Variants in PLXNA2 observed in about 807,000 individuals in gnomAD.
The protein encoded by PLXNA2 is plexin-A2.
Under a neutral mutation model 193.5 loss-of-function variants are expected in PLXNA2, and 91 were observed. The observed-to-expected ratio is 0.47, with a 90% CI of 0.40 to 0.56. The LOEUF is 0.56. Ranked by LOEUF, PLXNA2 falls within the 20% of genes least tolerant of loss-of-function variation. PLXNA2 has a pLI of 0.00. For synonymous variants in PLXNA2, 997 were observed against 1,027.3 expected, an observed-to-expected ratio of 0.97 and a Z score of 0.56; for missense variants, 1,995 against 2,503.2, an observed-to-expected ratio of 0.80 and a Z score of 4.33.
chr1:208,237,416 G>A (rs140753850), intron 1 of PLXNA2, among the ~76,000 whole-genome samples: 11 of 152,224 alleles, frequency 7.2e-5, no homozygotes, highest in East Asian at 3.9e-4. Flanking sequence ...GCCTCTACAC[G>A]CCAGCTCCAG....
chr1:208,029,886 T>C, intron 29 of PLXNA2: 1 of 985,726 alleles, frequency 1.0e-6, no homozygotes, highest in Non-Finnish European at 1.2e-6. Context: ...CTCTTCCAGC[T>C]GCCTTCTGGG....
At chr1:208,098,458 T>TCACACACACACA (rs56677339) in intron 6 of PLXNA2, among the ~76,000 whole-genome samples, 13 of 123,520 alleles carry the variant, frequency 1.1e-4, no homozygotes, top group East Asian at 2.5e-4. Flanking sequence ...TCTCTCTCTC[T>TCACACACACACA]CACACACACA....
At chr1:208,104,770 T>G (rs1407481266) in intron 4 of PLXNA2, among the ~76,000 whole-genome samples, 1 of 152,194 alleles carries the variant, frequency 6.6e-6, no homozygotes, top group Non-Finnish European at 1.5e-5. Context: ...GAGGCTTTTC[T>G]GTAAGTCAGT....
intron 3 of PLXNA2, among the ~76,000 whole-genome samples, chr1:208,192,824 G>A (rs553314424): frequency 5.2e-4 from 79 of 151,444 alleles, no homozygotes; most frequent in Middle Eastern, 3.4e-3. Context: ...GAGGTGGAGG[G>A]TGCAGTGAGC....
intron 12 of PLXNA2, among the ~76,000 whole-genome samples, chr1:208,069,848 G>A (rs1665926242): frequency 1.3e-5 from 2 of 152,218 alleles, no homozygotes; most frequent in Non-Finnish European, 2.9e-5. Context: ...AATGATGGCT[G>A]CTGCTTTCAC....
intron 4 of PLXNA2, among the ~76,000 whole-genome samples, chr1:208,104,946 G>T (rs1460211578): frequency 6.6e-6 from 1 of 152,140 alleles, no homozygotes; most frequent in Non-Finnish European, 1.5e-5. Context: ...TAGACCTAAG[G>T]GTTTGAGTTG....
intron 4 of PLXNA2, among the ~76,000 whole-genome samples, chr1:208,111,602 A>G (rs963934800): frequency 6.6e-6 from 1 of 152,132 alleles, no homozygotes; most frequent in East Asian, 1.9e-4. Flanking sequence ...GATAAAGACA[A>G]TATCTGTCCC....
intron 4 of PLXNA2, among the ~76,000 whole-genome samples, chr1:208,107,832 G>A (rs1378768104): frequency 1.3e-5 from 2 of 152,022 alleles, no homozygotes; most frequent in Non-Finnish European, 2.9e-5. Flanking sequence ...TTATACAATG[G>A]GAGGCCCTTC....
chr1:208,160,593 C>A (rs1420789620), intron 3 of PLXNA2, among the ~76,000 whole-genome samples: 1 of 152,262 alleles, frequency 6.6e-6, no homozygotes, highest in Non-Finnish European at 1.5e-5. Context: ...CCTTCTTTAT[C>A]CCCAATCTGC....
At chr1:208,081,858 G>C (rs145838542) in intron 11 of PLXNA2, among the ~76,000 whole-genome samples, 189 of 152,224 alleles carry the variant, frequency 1.2e-3, no homozygotes, top group Non-Finnish European at 2.2e-3. Context: ...GGAGGAGCTC[G>C]ACATGAGTTT....
intron 1 of PLXNA2, among the ~76,000 whole-genome samples, chr1:208,237,902 G>T (rs1671918808): frequency 6.6e-6 from 1 of 152,154 alleles, no homozygotes; most frequent in South Asian, 2.1e-4. Flanking sequence ...TATTAGGAGG[G>T]AGCTACCACA....
At chr1:208,081,155 G>A (rs1666327516) in intron 11 of PLXNA2, among the ~76,000 whole-genome samples, 1 of 152,238 alleles carries the variant, frequency 6.6e-6, no homozygotes, top group Admixed American at 6.5e-5. Context: ...TCTAAGCCCA[G>A]ATCCCCAGCA....
At chr1:208,051,610 G>C (rs1555948) in intron 15 of PLXNA2, among the ~76,000 whole-genome samples, 187 bp from the exon 16 acceptor site, 73,942 of 152,084 alleles carry the variant, frequency 0.49, 18,793 homozygotes, top group Non-Finnish European at 0.57. Flanking sequence ...GGATTAGGGA[G>C]GCAGCAAATT....
intron 14 of PLXNA2, among the ~76,000 whole-genome samples, chr1:208,053,113 G>C (rs1665317640): frequency 6.6e-6 from 1 of 152,242 alleles, no homozygotes; most frequent in South Asian, 2.1e-4. Context: ...AATGCATCAG[G>C]TGGCTGACCT....
chr1:208,123,074 A>T (rs903776194), intron 4 of PLXNA2, among the ~76,000 whole-genome samples: 1 of 152,134 alleles, frequency 6.6e-6, no homozygotes, highest in African/African-American at 2.4e-5. Flanking sequence ...AGTCACTCCC[A>T]TTCCCTCCTG....
At chr1:208,211,607 C>T (rs887941139) in intron 2 of PLXNA2, among the ~76,000 whole-genome samples, 2 of 151,426 alleles carry the variant, frequency 1.3e-5, no homozygotes, top group South Asian at 2.1e-4. Flanking sequence ...GTGGGAGAAT[C>T]GCCTGAACCC....
rs573601219 is a variant in PLXNA2, at chr1:208,236,349, G to A, written c.-81+7294C>T. On this transcript the variant is annotated intron_variant, in intron 1 of 31. Coordinates refer to ENST00000367033, the MANE Select transcript of PLXNA2 (RefSeq NM_025179.4). This position sits in a 1 kb window ranked among gnomAD's most constrained non-coding sequence, Gnocchi z 4.4. ...AACGTAATATTTACCCAGCCTAGCCGAGGCCTTTCACTTTTATGAAGCAGG... is the reference window on the plus strand; with the variant it reads ...AACGTAATATTTACCCAGCCTAGCCAAGGCCTTTCACTTTTATGAAGCAGG... Among the ~76,000 whole-genome samples the A allele has an allele frequency of 1.6e-4, 24 of 152,280 alleles. No homozygotes were observed. The highest frequency in any genetic ancestry group is 5.8e-4 in the East Asian group (3 of 5,182).
At chr1:208,165,739 G>A (rs764379139) in intron 3 of PLXNA2, among the ~76,000 whole-genome samples, 4 of 152,190 alleles carry the variant, frequency 2.6e-5, no homozygotes, top group Non-Finnish European at 5.9e-5. Flanking sequence ...GAGCAGTGGC[G>A]TCCCTGCCTC....
intron 13 of PLXNA2, among the ~76,000 whole-genome samples, chr1:208,057,554 G>T (rs1279087946): frequency 6.6e-6 from 1 of 152,188 alleles, no homozygotes; most frequent in East Asian, 1.9e-4. Context: ...GCAGTGGTGT[G>T]TGCACCACCA....
Sources: allele counts gnomAD v4.1 joint callset (sites outside exome capture counted in the v4.1 genomes callset), GRCh38; gene constraint gnomAD v4.1.1; non-coding constraint Gnocchi (gnomAD v3.1); transcripts MANE v1.5; gene names NCBI Gene and HGNC (gene_info 2026-07-23, HGNC 2026-07-21).